The following PPFIA2 variants were observed in gnomAD, a reference collection of about 807,000 sequenced individuals.
PPFIA2 encodes the protein PPFI scaffold protein A2.
In PPFIA2, 46 loss-of-function variants were observed where a neutral mutation model predicts 175.5. The observed-to-expected ratio is 0.26, with a 90% CI of 0.21 to 0.34. The LOEUF (loss-of-function observed/expected upper bound fraction) is 0.34. Among genes scored for constraint, PPFIA2 ranks in the 10% least tolerant of loss-of-function variants. PPFIA2 has a pLI of 1.00. For synonymous variants in PPFIA2, 568 were observed against 511.4 expected, an observed-to-expected ratio of 1.11 and a Z score of -1.49; for missense variants, 1,179 against 1,506.1, an observed-to-expected ratio of 0.78 and a Z score of 3.60.
chr12:81,314,214 A>C (rs1324661832), intron 22 of PPFIA2, among the ~76,000 whole-genome samples: 8 of 151,954 alleles, frequency 5.3e-5, no homozygotes, highest in African/African-American at 1.9e-4. Context: ...GTGCTAATAT[A>C]TTATAAACTT....
chr12:81,679,159 AATATT>A, intron 3 of PPFIA2, among the ~76,000 whole-genome samples: 1 of 152,044 alleles, frequency 6.6e-6, no homozygotes, highest in South Asian at 2.1e-4. Flanking sequence ...AAATGACTAA[AATATT>A]AGATTTACAG....
chr12:81,498,615 T>G, intron 4 of PPFIA2, among the ~76,000 whole-genome samples: 1 of 152,218 alleles, frequency 6.6e-6, no homozygotes, highest in East Asian at 1.9e-4. Flanking sequence ...ATTAATTTAT[T>G]TATTCATTAT....
chr12:81,279,307 T>A (rs1408904197), intron 27 of PPFIA2: 2 of 152,122 alleles, frequency 1.3e-5, no homozygotes, highest in Admixed American at 6.5e-5. Flanking sequence ...TCCGGAACTG[T>A]GAGAAAATGA....
intron 4 of PPFIA2, among the ~76,000 whole-genome samples, chr12:81,524,778 G>A (rs1051558367): frequency 6.6e-6 from 1 of 152,166 alleles, no homozygotes; most frequent in African/African-American, 2.4e-5. Flanking sequence ...GAATGAAATG[G>A]TCTAAATATA....
intron 4 of PPFIA2, among the ~76,000 whole-genome samples, chr12:81,634,020 T>C (rs1367018550): frequency 6.6e-6 from 1 of 152,120 alleles, no homozygotes; most frequent in Non-Finnish European, 1.5e-5. Context: ...GTTAACTTTG[T>C]AATGGCTTAA....
At chr12:81,511,380 G>A (rs2061777974) in intron 4 of PPFIA2, among the ~76,000 whole-genome samples, 2 of 151,894 alleles carry the variant, frequency 1.3e-5, no homozygotes, top group African/African-American at 4.8e-5. Context: ...AACATTATAA[G>A]AAAATAATTA....
At chr12:81,370,806 T>C (rs1469517788) in intron 11 of PPFIA2, among the ~76,000 whole-genome samples, 1 of 151,912 alleles carries the variant, frequency 6.6e-6, no homozygotes, top group Non-Finnish European at 1.5e-5. Context: ...ATTTTAATCA[T>C]TGCAAGTTAA....
At chr12:81,744,589 AT>A (rs531980259) in intron 3 of PPFIA2, among the ~76,000 whole-genome samples, 11 of 151,584 alleles carry the variant, frequency 7.3e-5, no homozygotes, top group South Asian at 4.2e-4. Context: ...TGCCCCGCTA[AT>A]TTTTTTTGTA....
intron 4 of PPFIA2, among the ~76,000 whole-genome samples, chr12:81,604,511 C>T (rs979155400): frequency 6.6e-6 from 1 of 151,400 alleles, no homozygotes; most frequent in East Asian, 1.9e-4. Flanking sequence ...TGCCAAATAG[C>T]TTTCCAAGAT....
chr12:81,569,395 C>T (rs1014244828), intron 4 of PPFIA2, among the ~76,000 whole-genome samples: 11 of 152,074 alleles, frequency 7.2e-5, no homozygotes, highest in African/African-American at 1.2e-4. Context: ...TACTCCACAA[C>T]GATTTGAAAG....
At chr12:81,643,870 A>G (rs2065690217) in intron 4 of PPFIA2, among the ~76,000 whole-genome samples, 1 of 152,056 alleles carries the variant, frequency 6.6e-6, no homozygotes, top group Admixed American at 6.5e-5. Flanking sequence ...GATAAAATCA[A>G]TGTTCCTTTT....
intron 3 of PPFIA2, among the ~76,000 whole-genome samples, chr12:81,698,395 C>A (rs770437705): frequency 6.6e-6 from 1 of 152,068 alleles, no homozygotes; most frequent in Non-Finnish European, 1.5e-5. Context: ...TCTTGCCCTT[C>A]TACCTTCCAC....
At chr12:81,674,160 C>A (rs2071984133) in intron 4 of PPFIA2, among the ~76,000 whole-genome samples, 1 of 152,102 alleles carries the variant, frequency 6.6e-6, no homozygotes, top group Admixed American at 6.6e-5. Flanking sequence ...TTTAAACATA[C>A]CATTAACATT....
chr12:81,642,622 A>G (rs2065130592), intron 4 of PPFIA2, among the ~76,000 whole-genome samples: 1 of 53,866 alleles, frequency 1.9e-5, no homozygotes, highest in African/African-American at 6.8e-5. Flanking sequence ...CACATAATAG[A>G]TACTATATAT....
chr12:81,646,780 T>G (rs1459687035), intron 4 of PPFIA2, among the ~76,000 whole-genome samples: 6 of 150,838 alleles, frequency 4.0e-5, no homozygotes, highest in Non-Finnish European at 7.4e-5. Flanking sequence ...TAAAGGGGAG[T>G]GGACATTCAG....
chr12:81,633,079 CT>C (rs1258447690), intron 4 of PPFIA2, among the ~76,000 whole-genome samples: 1 of 152,084 alleles, frequency 6.6e-6, no homozygotes, highest in Admixed American at 6.5e-5. Flanking sequence ...GTAGTAAAAA[CT>C]TGATCATAAT....
chr12:81,454,047 A>G (rs554775270), intron 5 of PPFIA2, among the ~76,000 whole-genome samples: 1 of 152,106 alleles, frequency 6.6e-6, no homozygotes, highest in East Asian at 1.9e-4. Context: ...GCAAAACCCC[A>G]TCTCTACAAA....
intron 11 of PPFIA2, among the ~76,000 whole-genome samples, chr12:81,372,947 T>C (rs772393895): frequency 1.1e-4 from 16 of 151,596 alleles, no homozygotes; most frequent in Non-Finnish European, 1.6e-4. Flanking sequence ...CCAAGATATA[T>C]ATATATCAAC....
chr12:81,674,757 G>C (rs1453497307), intron 4 of PPFIA2, among the ~76,000 whole-genome samples: 1 of 151,944 alleles, frequency 6.6e-6, no homozygotes, highest in Non-Finnish European at 1.5e-5. Flanking sequence ...CTGACTTTCA[G>C]TTTTCTAACT....
Sources: gnomAD v4.1 joint callset for allele counts (sites outside exome capture counted in the v4.1 genomes callset) on GRCh38, gnomAD v4.1.1 for gene constraint, MANE v1.5 for transcripts, NCBI Gene and HGNC (gene_info 2026-07-23, HGNC 2026-07-21) for gene names.